Variants in RGS5 observed in about 807,000 individuals in gnomAD.
RGS5 encodes the protein regulator of G-protein signalling 5.
A neutral mutation model predicts 18.9 loss-of-function variants in RGS5; 20 were observed. The observed-to-expected ratio is 1.06, with a 90% confidence interval of 0.74 to 1.54. RGS5 has a LOEUF of 1.54. Among genes scored for constraint, RGS5 ranks in the 40% most tolerant of loss-of-function variants. The pLI is 0.00. For synonymous variants in RGS5, 57 were observed against 76.2 expected (o/e 0.75, Z 1.31); for missense variants, 201 against 211.8 (o/e 0.95, Z 0.32).
chr1:163,274,578 G>T (rs1428242164), intron 2 of RGS5, among the ~76,000 whole-genome samples: 1 of 152,156 alleles, frequency 6.6e-6, no homozygotes, highest in African/African-American at 2.4e-5. Flanking sequence ...CCTGGGGATG[G>T]ATGTGGGAAC....
chr1:163,177,181 A>C (rs1355818187), intron 1 of RGS5, among the ~76,000 whole-genome samples: 1 of 152,198 alleles, frequency 6.6e-6, no homozygotes, highest in African/African-American at 2.4e-5. Flanking sequence ...ATTCCATAGA[A>C]AGGTTTTGAA....
intron 1 of RGS5, among the ~76,000 whole-genome samples, chr1:163,180,249 T>G (rs1658753838): frequency 6.6e-6 from 1 of 152,218 alleles, no homozygotes; most frequent in South Asian, 2.1e-4. Context: ...GTGCTGGAAT[T>G]ACAGGTGTGA....
chr1:163,259,839 G>A lies in RGS5; in HGVS notation c.-281+46394C>T, dbSNP rs998278816. 4 of 152,588 alleles carry A rather than the reference G, an allele frequency of 2.6e-5. No homozygotes were observed. The South Asian group carries it at 8.3e-4, about 32-fold the overall frequency. The allele number at this position is 152,588 out of a possible 1,614,324, so 9.5% of individuals were successfully genotyped here. ...TCCGGAGTGGCTGGCAGTGGGGGCA[G>A]AGGGTTGCTAGAGAGGACTGCAGGT... On this transcript the variant is annotated intron_variant, in intron 2 of 5. Coordinates refer to the RGS5 transcript ENST00000618415.
intron 2 of RGS5, among the ~76,000 whole-genome samples, chr1:163,283,669 C>G (rs12074959): frequency 0.21 from 32,418 of 152,022 alleles, 3,701 homozygotes; most frequent in African/African-American, 0.3. Flanking sequence ...GATCTTCCAG[C>G]AGGCTCACTC....
intron 1 of RGS5, among the ~76,000 whole-genome samples, chr1:163,176,784 G>A (rs986023004): frequency 6.6e-6 from 1 of 152,090 alleles, no homozygotes; most frequent in Non-Finnish European, 1.5e-5. Context: ...AAAAGATAAG[G>A]TCCTCTCATT....
intron 1 of RGS5, among the ~76,000 whole-genome samples, chr1:163,312,824 G>T (rs1016139795): frequency 6.6e-6 from 1 of 152,074 alleles, no homozygotes; most frequent in Non-Finnish European, 1.5e-5. Context: ...GAAAACACAG[G>T]GTCTGACAAG....
chr1:163,153,804 T>C (rs1657473469), intron 3 of RGS5, among the ~76,000 whole-genome samples: 1 of 143,616 alleles, frequency 7.0e-6, no homozygotes, highest in South Asian at 2.4e-4. Flanking sequence ...TGAATATATA[T>C]GTATTATTCA....
At chr1:163,195,322 G>A (rs909634653) in intron 1 of RGS5, among the ~76,000 whole-genome samples, 4 of 152,096 alleles carry the variant, frequency 2.6e-5, no homozygotes, top group African/African-American at 9.7e-5. Flanking sequence ...AGTAACTCAG[G>A]AATGGAAAAC....
intron 2 of RGS5, among the ~76,000 whole-genome samples, chr1:163,298,334 A>G (rs551795544): frequency 1.3e-5 from 2 of 152,290 alleles, no homozygotes; most frequent in Non-Finnish European, 2.9e-5. Flanking sequence ...TGAAGGTTCA[A>G]TAATTGAATC....
upstream of RGS5, among the ~76,000 whole-genome samples, chr1:163,206,288 T>C (rs1265049782): frequency 6.6e-6 from 1 of 152,102 alleles, no homozygotes; most frequent in Non-Finnish European, 1.5e-5. Context: ...CCATTGCTTA[T>C]AAAGTACCCA....
At chr1:163,149,534 C>T (rs1429640227) in intron 4 of RGS5, among the ~76,000 whole-genome samples, 2 of 152,118 alleles carry the variant, frequency 1.3e-5, no homozygotes, top group Non-Finnish European at 2.9e-5. Context: ...TGTGCTTAAG[C>T]CTTCTTTAAT....
At chr1:163,274,938 G>A (rs1285298158) in intron 2 of RGS5, among the ~76,000 whole-genome samples, 1 of 152,100 alleles carries the variant, frequency 6.6e-6, no homozygotes, top group Non-Finnish European at 1.5e-5. Context: ...GCAACATAGG[G>A]AAACTCCATC....
At chr1:163,254,789 T>C (rs2101700978) in intron 2 of RGS5, among the ~76,000 whole-genome samples, 1 of 151,902 alleles carries the variant, frequency 6.6e-6, no homozygotes, top group East Asian at 1.9e-4. Context: ...AGGTCTAACG[T>C]TTAAGTCTTT....
chr1:163,287,570 T>C (rs1272747506), intron 2 of RGS5, among the ~76,000 whole-genome samples: 1 of 152,242 alleles, frequency 6.6e-6, no homozygotes, highest in African/African-American at 2.4e-5. Context: ...ATGTTACAAC[T>C]GGTGGCTAAA....
Position 163,152,657 on chromosome 1 carries a change from ACTCAAGGTTTTC to A in RGS5, c.265_276del (p.Glu89_Glu92del), listed in dbSNP as rs1268289615. 1 of 1,612,302 alleles carries A rather than the reference ACTCAAGGTTTTC, an allele frequency of 6.2e-7. No homozygotes were observed. Among genetic ancestry groups the A allele is most frequent in the East Asian group, 2.2e-5 (1 of 44,852 alleles). ...TTGTAATCCTCACAGGCAATCCAGA[ACTCAAGGTTTTC>A]CTCACTGAATTCAGACTTCAGGAAA... On this transcript the variant is annotated inframe_deletion, in exon 4 of 5. Coordinates refer to ENST00000313961, the MANE Select transcript of RGS5 (RefSeq NM_003617.4).
intron 3 of RGS5, among the ~76,000 whole-genome samples, chr1:163,158,261 T>C (rs1657664667): frequency 1.3e-5 from 2 of 151,988 alleles, no homozygotes; most frequent in African/African-American, 4.8e-5. Flanking sequence ...CTGGTTCTTC[T>C]CTAGGAACAG....
chr1:163,268,149 G>T (rs946522161), intron 2 of RGS5, among the ~76,000 whole-genome samples: 11 of 151,750 alleles, frequency 7.2e-5, no homozygotes, highest in Non-Finnish European at 2.9e-5. Flanking sequence ...TAAACATTTT[G>T]CTGGTAGGGT....
In RGS5 at chr1:163,209,003, A is replaced by G. The variant is rs1395246144; in HGVS notation, c.69+8523T>C. Among the ~76,000 whole-genome samples the G allele has an allele frequency of 2.0e-5, 3 of 152,202 alleles. 1 individual carries two copies. Among genetic ancestry groups the G allele is most frequent in the South Asian group, 4.1e-4 (2 of 4,832 alleles). On this transcript the variant is annotated intron_variant, in intron 1 of 5. Transcript: ENST00000367903. ...GAATCTAACTTCTTCTCAAATACCT[A>G]TGAAATATTCACAGAAAATTAGGAT...
At chr1:163,199,287 G>C (rs759675379) in intron 1 of RGS5, among the ~76,000 whole-genome samples, 22 of 152,016 alleles carry the variant, frequency 1.4e-4, no homozygotes, top group Non-Finnish European at 2.8e-4. Context: ...ACATATAAAA[G>C]TATGCGAGTC....
Sources: allele counts gnomAD v4.1 joint callset (sites outside exome capture counted in the v4.1 genomes callset), GRCh38; gene constraint gnomAD v4.1.1; transcripts MANE v1.5; gene names NCBI Gene and HGNC (gene_info 2026-07-23, HGNC 2026-07-21).